Variants in SAMD4A observed in about 807,000 individuals in gnomAD.
SAMD4A encodes sterile alpha motif domain containing 4A.
A neutral mutation model predicts 81.3 loss-of-function variants in SAMD4A; 33 were observed. That is an observed-to-expected ratio of 0.41 (90% CI 0.31 to 0.54). The LOEUF (loss-of-function observed/expected upper bound fraction) is 0.54. SAMD4A is among the 20% of genes least tolerant of loss of function. The pLI, the probability that SAMD4A is intolerant of heterozygous loss-of-function variation, is 0.37. For synonymous variants in SAMD4A, 389 were observed against 382.1 expected, an observed-to-expected ratio of 1.02 and a Z score of -0.21; for missense variants, 854 against 951.1, an observed-to-expected ratio of 0.90 and a Z score of 1.34.
At chr14:54,596,827 G>A (rs1009069801) in intron 2 of SAMD4A, among the ~76,000 whole-genome samples, 2 of 152,164 alleles carry the variant, frequency 1.3e-5, no homozygotes, top group African/African-American at 4.8e-5. Flanking sequence ...ATCAGGGTGA[G>A]AAGGGTGGAG....
rs571272166 is a variant in SAMD4A at position 54,732,309 on chromosome 14, A to G, written c.716-4715A>G. ...TTGTATTAATTCCAATACCCTCTCT[A>G]TATGTAGAAAAGTCATCCATGACAT... On this transcript the variant is annotated intron_variant, in intron 3 of 12. Transcript: ENST00000554335. 7.9e-5 allele frequency among the ~76,000 whole-genome samples: 12 copies of G among 152,280 alleles called. No homozygotes were observed. In the South Asian group the frequency reaches 8.3e-4, roughly 11 times the overall value.
intron 2 of SAMD4A, among the ~76,000 whole-genome samples, chr14:54,633,490 G>A (rs1220982754): frequency 6.6e-6 from 1 of 152,146 alleles, no homozygotes; most frequent in African/African-American, 2.4e-5. Flanking sequence ...GTGGGGTCGT[G>A]AGTAGTTGGG....
intron 3 of SAMD4A, among the ~76,000 whole-genome samples, chr14:54,709,151 T>C (rs1451627212): frequency 1.3e-5 from 2 of 151,782 alleles, no homozygotes; most frequent in Non-Finnish European, 2.9e-5. Flanking sequence ...GTGGTGTGTG[T>C]CTATAGTCCC....
intron 2 of SAMD4A, chr14:54,687,911 C>T (rs1478437442): frequency 2.7e-5 from 27 of 984,642 alleles, no homozygotes; most frequent in Non-Finnish European, 3.1e-5. Context: ...GGCTGCTGTC[C>T]CTTCTCAGGC....
Position 54,760,369 on chromosome 14 carries a change from C to A in SAMD4A, c.1385C>A (p.Thr462Asn), listed in dbSNP as rs753986118. ...DGAAATGATA[T>N]PSAGASGGLQ... The stretch of plus-strand genomic sequence containing the variant: ...GCCGCAGCCACTGGCGCCACGGCCA[C>A]CCCCTCGGCCGGGGCCAGCGGGGGG... The change falls in exon 7 of 13, where the codon ACC (threonine) becomes AAC (asparagine). Residue 462 changes from threonine (T) to asparagine (N), a missense_variant. Thr to Asn is a moderately conservative substitution (Grantham distance 65). Transcript: ENST00000554335. 3 of 1,557,702 alleles carry A rather than the reference C, an allele frequency of 1.9e-6. No individual in the cohort carries two copies. The highest frequency in any genetic ancestry group is 2.6e-6 in the Non-Finnish European group (3 of 1,160,748).
chr14:54,780,447 G>C (rs2038971373), intron 11 of SAMD4A, among the ~76,000 whole-genome samples: 1 of 152,164 alleles, frequency 6.6e-6, no homozygotes, highest in Non-Finnish European at 1.5e-5. Flanking sequence ...AAAGAATAGA[G>C]AGTTATTGGT....
At chr14:54,665,633 G>A (rs2035742369) in intron 2 of SAMD4A, among the ~76,000 whole-genome samples, 1 of 152,206 alleles carries the variant, frequency 6.6e-6, no homozygotes, top group Admixed American at 6.5e-5. Context: ...CAGAGCAGAT[G>A]GTGGGAAAGA....
chr14:54,616,042 G>T (rs1259470238), intron 2 of SAMD4A, among the ~76,000 whole-genome samples: 5 of 152,106 alleles, frequency 3.3e-5, no homozygotes, highest in African/African-American at 9.7e-5. Flanking sequence ...CTAATATATG[G>T]TGTATCCCAT....
chr14:54,681,678 C>A (rs2036132365), intron 2 of SAMD4A: 1 of 413,356 alleles, frequency 2.4e-6, no homozygotes, highest in Non-Finnish European at 3.3e-6. Context: ...GTGATCCTCC[C>A]ACTTTGGCCT....
At chr14:54,717,052 G>T (rs1259466527) in intron 3 of SAMD4A, among the ~76,000 whole-genome samples, 1 of 152,176 alleles carries the variant, frequency 6.6e-6, no homozygotes, top group East Asian at 1.9e-4. Flanking sequence ...GCTCAAGACT[G>T]CAGCATGCTT....
intron 2 of SAMD4A, 71 bp from the exon 3 acceptor site, chr14:54,701,991 C>G: frequency 1.3e-6 from 2 of 1,489,598 alleles, no homozygotes; most frequent in Non-Finnish European, 1.8e-6. Flanking sequence ...CATAAAAATT[C>G]TCTTTAGAGT....
chr14:54,748,591 G>A (rs2038023638), intron 4 of SAMD4A, among the ~76,000 whole-genome samples: 1 of 152,116 alleles, frequency 6.6e-6, no homozygotes, highest in Admixed American at 6.5e-5. Flanking sequence ...TAGTACTCCT[G>A]GTCTAAGTAG....
chr14:54,711,976 G>A (rs1407000889), intron 3 of SAMD4A, among the ~76,000 whole-genome samples: 2 of 152,182 alleles, frequency 1.3e-5, no homozygotes, highest in East Asian at 3.9e-4. Context: ...TTTTTCACAA[G>A]GCCACAAACC....
chr14:54,724,003 T>TGGAA (rs1311416081), intron 3 of SAMD4A, among the ~76,000 whole-genome samples: 935 of 56,422 alleles, frequency 0.017, 16 homozygotes, highest in African/African-American at 0.032. Flanking sequence ...GATGGATGGA[T>TGGAA]GGATGGAAGG....
intron 2 of SAMD4A, chr14:54,685,720 G>A (rs1449360154): frequency 2.2e-6 from 1 of 456,724 alleles, no homozygotes; most frequent in Admixed American, 2.3e-5. Flanking sequence ...GGAGTGGTGT[G>A]TGGTAAGAAC....
chr14:54,694,867 A>G (rs1466322586), intron 2 of SAMD4A: 1 of 985,586 alleles, frequency 1.0e-6, no homozygotes, highest in Non-Finnish European at 1.2e-6. Context: ...ACCTGGGGAA[A>G]AAGTAACTAC....
rs146265081 is a variant in SAMD4A, at chr14:54,653,861, TCTC to T, written c.197-48197_197-48195del. On this transcript the variant is annotated intron_variant, in intron 2 of 12. Coordinates refer to ENST00000554335, the MANE Select transcript of SAMD4A (RefSeq NM_015589.6). ...CATCTTCCCCTTCCCACTATGTGGT[TCTC>T]CTCTTACTGCCCTCTGTCTTAGCCG... 2.8e-4 allele frequency among the ~76,000 whole-genome samples: 42 copies of T among 152,308 alleles called. No individual in the cohort carries two copies. The East Asian group carries it at 8.1e-3, about 29-fold the overall frequency.
At chr14:54,648,771 G>A (rs182808840) in intron 2 of SAMD4A, among the ~76,000 whole-genome samples, 4 of 152,284 alleles carry the variant, frequency 2.6e-5, no homozygotes, top group African/African-American at 9.6e-5. Flanking sequence ...CTCTGGAAGA[G>A]TTGAGAAGGA....
intron 12 of SAMD4A, among the ~76,000 whole-genome samples, chr14:54,784,899 C>A (rs2039095623): frequency 6.6e-6 from 1 of 152,194 alleles, no homozygotes; most frequent in Admixed American, 6.5e-5. Context: ...GAAGCTCCAC[C>A]TCCCAGTGCA....
Sources: gnomAD v4.1 joint callset for allele counts (sites outside exome capture counted in the v4.1 genomes callset) on GRCh38, gnomAD v4.1.1 for gene constraint, MANE v1.5 for transcripts, NCBI Gene and HGNC (gene_info 2026-07-23, HGNC 2026-07-21) for gene names.